The following EIF3G variants were observed in gnomAD, a reference collection of about 807,000 sequenced individuals.
EIF3G encodes the protein eukaryotic translation initiation factor 3 RNA-binding subunit.
Under a neutral mutation model 41.7 loss-of-function variants are expected in EIF3G, and 10 were observed. The ratio of observed to expected loss-of-function variants is 0.24; its 90% CI spans 0.15 to 0.41. The LOEUF (loss-of-function observed/expected upper bound fraction) is 0.41, where lower values mean the gene tolerates loss of function less well. EIF3G is among the 10% of genes least tolerant of loss of function. The pLI, the probability that EIF3G is intolerant of heterozygous loss-of-function variation, is 1.00. For missense variants in EIF3G, 297 were observed against 444.0 expected, an observed-to-expected ratio of 0.67 and a Z score of 2.98; for synonymous variants, 204 against 172.5, an observed-to-expected ratio of 1.18 and a Z score of -1.43.
At chr19:10,118,394 CGT>C (rs772449827) in intron 5 of EIF3G, 9 of 412,746 alleles carry the variant, frequency 2.2e-5, no homozygotes. Flanking sequence ...GGCAAAACCC[CGT>C]CTCTACTAAA....
rs1276084962 is a variant in EIF3G, at chr19:10,115,676, C to T, written c.840+8G>A. 12 of 1,614,016 alleles carry T rather than the reference C, an allele frequency of 7.4e-6. No homozygotes were observed. The highest frequency in any genetic ancestry group is 1.3e-5 in the African/African-American group (1 of 74,954). On this transcript the variant is annotated splice_region_variant and intron_variant, in intron 9 of 10. Coordinates refer to ENST00000253108, the MANE Select transcript of EIF3G (RefSeq NM_003755.5). The stretch of plus-strand genomic sequence containing the variant: ...ACACAGCCCCACCGTGCCTGCCTGC[C>T]TGCCCACCTTGGATTGGCCAGTGGT...
intron 10 of EIF3G, 151 bp from the exon 11 acceptor site, chr19:10,115,280 G>C: frequency 1.7e-6 from 2 of 1,175,592 alleles, no homozygotes; most frequent in Non-Finnish European, 2.4e-6. Context: ...TCCAGGCCTG[G>C]TCCACGGACT....
intron 8 of EIF3G, 57 bp from the exon 9 acceptor site, chr19:10,115,877 G>A (rs1056224917): frequency 1.3e-6 from 2 of 1,581,678 alleles, no homozygotes; most frequent in Non-Finnish European, 1.7e-6. Context: ...GCCCTCGTGT[G>A]CTGCCCAGCC....
In EIF3G at chr19:10,116,286, G is replaced by A. The variant is rs984509886; in HGVS notation, c.596-212C>T. 4 of 601,908 alleles carry A rather than the reference G, an allele frequency of 6.6e-6. No individual in the cohort carries two copies. The highest frequency in any genetic ancestry group is 3.7e-5 in the African/African-American group (2 of 53,832). 37.3% of individuals were successfully genotyped at this position (601,908 alleles called of 1,614,324 possible). ...CAGCGACACTGGTGGAGGAGGAGGAGGAGGAGCCCCGACCCCACCCCAGAG... is the reference window on the plus strand; with the variant it reads ...CAGCGACACTGGTGGAGGAGGAGGAAGAGGAGCCCCGACCCCACCCCAGAG... On this transcript the variant is annotated intron_variant, in intron 7 of 10. Transcript: ENST00000253108. The surrounding 1 kb of genome is among the most constrained non-coding windows in gnomAD (Gnocchi z 4.1).
chr19:10,116,105 T>G lies in EIF3G; in HGVS notation c.596-31A>C. The G allele has an allele frequency of 6.2e-7, 1 of 1,604,080 alleles. No individual in the cohort carries two copies. Among genetic ancestry groups the G allele is most frequent in the Non-Finnish European group, 8.5e-7 (1 of 1,173,624 alleles). On this transcript the variant is annotated intron_variant, in intron 7 of 10. Transcript: ENST00000253108. This position sits in a 1 kb window ranked among gnomAD's most constrained non-coding sequence, Gnocchi z 4.1. ...GACCAAAAGACAGTCAAGTTCAACC[T>G]CACTGTGGCGCAGGCGTGGGGACAG...
In EIF3G at chr19:10,119,842, A is replaced by C. The variant is rs1205735317; in HGVS notation, c.18T>G (p.Phe6Leu). MPTGD[F>L]DSKPSWADQV... ...CCTTTCCGCGATCGCCGACTCACTC[A>C]AAGTCTCCAGTAGGCATCGCAAAAA... is the stretch of plus-strand genomic sequence containing the variant. The change falls in exon 1 of 11, where the codon TTT becomes TTG. Residue 6 changes from phenylalanine (F) to leucine (L), a missense_variant and splice_region_variant. Phe to Leu is a conservative substitution (Grantham distance 22). This residue lies in a region of EIF3G where 147 missense variants were observed against 162.4 expected (regional missense o/e 0.91). Coordinates refer to ENST00000253108, the MANE Select transcript of EIF3G (RefSeq NM_003755.5). The C allele has an allele frequency of 1.2e-6, 2 of 1,614,156 alleles. No individual in the cohort carries two copies. The highest frequency in any genetic ancestry group is 3.3e-5 in the Admixed American group (2 of 60,014).
Position 10,116,075 on chromosome 19 carries a change from C to T in EIF3G, c.596-1G>A. The T allele has an allele frequency of 6.2e-7, 1 of 1,613,522 alleles. No individual in the cohort carries two copies. Among genetic ancestry groups the T allele is most frequent in the Non-Finnish European group, 8.5e-7 (1 of 1,179,714 alleles). ...TGCGTGGCCTGCACCGGCTCTAGCT[C>T]TGGGGACCAAAAGACAGTCAAGTTC... is the stretch of plus-strand genomic sequence containing the variant. On this transcript the variant is annotated splice_acceptor_variant, in intron 7 of 10. Coordinates refer to ENST00000253108, the MANE Select transcript of EIF3G (RefSeq NM_003755.5). LOFTEE classifies it high-confidence loss of function. This position sits in a 1 kb window ranked among gnomAD's most constrained non-coding sequence, Gnocchi z 4.1.
Position 10,116,711 on chromosome 19 carries a change from G to C in EIF3G, c.595+89C>G. On this transcript the variant is annotated intron_variant, in intron 7 of 10. Transcript: ENST00000253108. This position sits in a 1 kb window ranked among gnomAD's most constrained non-coding sequence, Gnocchi z 4.1. ...AGGAGAGTCTGGCACCATCAAACCC[G>C]CTGCACTGTCGTGCGGGAGATGACA... is the stretch of plus-strand genomic sequence containing the variant. The C allele has an allele frequency of 7.4e-7, 1 of 1,346,630 alleles. No homozygotes were observed. Among genetic ancestry groups the C allele is most frequent in the Non-Finnish European group, 1.0e-6 (1 of 993,968 alleles). 83.4% of individuals were successfully genotyped at this position (1,346,630 alleles called of 1,614,324 possible). A position where few individuals can be genotyped will look rare whatever the true frequency, so the allele number is the denominator to read the frequency against.
At chr19:10,115,287 G>T in intron 10 of EIF3G, 158 bp from the exon 11 acceptor site, 2 of 1,122,594 alleles carry the variant, frequency 1.8e-6, no homozygotes, top group Non-Finnish European at 2.5e-6. Context: ...CTGGTCCACG[G>T]ACTGGCAGGG....
intron 2 of EIF3G, 165 bp from the exon 3 acceptor site, chr19:10,119,336 G>C: frequency 2.4e-6 from 2 of 846,736 alleles, no homozygotes; most frequent in South Asian, 1.4e-5. Flanking sequence ...TGGGGACTCG[G>C]AGTGGCAAGG....
Position 10,116,104 on chromosome 19 carries a change from C to T in EIF3G, c.596-30G>A. 6 of 1,603,102 alleles carry T rather than the reference C, an allele frequency of 3.7e-6. No homozygotes were observed. The highest frequency in any genetic ancestry group is 5.1e-6 in the Non-Finnish European group (6 of 1,172,552). ...GGACCAAAAGACAGTCAAGTTCAAC[C>T]TCACTGTGGCGCAGGCGTGGGGACA... On this transcript the variant is annotated intron_variant, in intron 7 of 10. Transcript: ENST00000253108. The surrounding 1 kb of genome is among the most constrained non-coding windows in gnomAD (Gnocchi z 4.1).
At chr19:10,117,321 C>T (rs1333907919) in intron 5 of EIF3G, 133 bp from the exon 6 acceptor site, 4 of 652,164 alleles carry the variant, frequency 6.1e-6, no homozygotes, top group Non-Finnish European at 1.1e-5. Context: ...TCCTCAAGCA[C>T]TCCCTGAACA....
rs1478654757 is a variant in EIF3G at position 10,116,620 on chromosome 19, T to TA, written c.595+179dup. The TA allele has an allele frequency of 4.9e-6, 3 of 614,218 alleles. No individual in the cohort carries two copies. The allele number at this position is 614,218 out of a possible 1,614,324, so 38.0% of individuals were successfully genotyped here. ...AAAGTCACAGCTGCCAAGTCGCACATATATGGGAGACGCCCGTCTCCCAAC... is the reference window on the plus strand; with the variant it reads ...AAAGTCACAGCTGCCAAGTCGCACATAATATGGGAGACGCCCGTCTCCCAAC... On this transcript the variant is annotated intron_variant, in intron 7 of 10. Transcript: ENST00000253108. This position sits in a 1 kb window ranked among gnomAD's most constrained non-coding sequence, Gnocchi z 4.1.
chr19:10,117,511 C>T (rs969647401), intron 5 of EIF3G: 2 of 286,594 alleles, frequency 7.0e-6, no homozygotes, highest in African/African-American at 4.4e-5. Flanking sequence ...GACCTCCGGG[C>T]CCTTGAGCTA....
intron 8 of EIF3G, 60 bp downstream of exon 8, chr19:10,115,907 G>A: frequency 6.2e-7 from 1 of 1,605,478 alleles, no homozygotes; most frequent in African/African-American, 1.3e-5. Context: ...ACGCTTCGGG[G>A]ATAATTACGA....
chr19:10,116,269 C>T lies in EIF3G; in HGVS notation c.596-195G>A. 1 of 613,716 alleles carries T rather than the reference C, an allele frequency of 1.6e-6. No individual in the cohort carries two copies. The highest frequency in any genetic ancestry group is 2.0e-5 in the South Asian group (1 of 50,536). 38.0% of individuals were successfully genotyped at this position (613,716 alleles called of 1,614,324 possible). ...CCATTTGAGCTCCCAGCCAGCGACA[C>T]TGGTGGAGGAGGAGGAGGAGGAGCC... On this transcript the variant is annotated intron_variant, in intron 7 of 10. Coordinates refer to ENST00000253108, the MANE Select transcript of EIF3G (RefSeq NM_003755.5). The surrounding 1 kb of genome is among the most constrained non-coding windows in gnomAD (Gnocchi z 4.1).
chr19:10,118,132 T>A (rs545112015), intron 5 of EIF3G: 1 of 152,758 alleles, frequency 6.5e-6, no homozygotes, highest in African/African-American at 2.4e-5. Context: ...TAATTTGATA[T>A]CTATCATCGA....
At chr19:10,119,394 C>T (rs1204758054) in intron 2 of EIF3G, 1 of 750,008 alleles carries the variant, frequency 1.3e-6, no homozygotes, top group Non-Finnish European at 2.3e-6. Context: ...TGAAGCCAAC[C>T]AGGCGCCAGT....
intron 5 of EIF3G, chr19:10,118,366 G>C (rs2145229897): frequency 2.7e-6 from 1 of 369,288 alleles, no homozygotes; most frequent in East Asian, 6.9e-5. Context: ...AGGAGTTCGA[G>C]ACCAGCCTGG....
Sources: gnomAD v4.1 joint callset for allele counts on GRCh38, gnomAD v4.1.1 for gene constraint, gnomAD v4.1.1 regional missense constraint, Gnocchi (gnomAD v3.1) non-coding constraint, MANE v1.5 for transcripts, NCBI Gene and HGNC (gene_info 2026-07-23, HGNC 2026-07-21) for gene names.